FREM2: variants seen among roughly 807,000 people sequenced by gnomAD.
FREM2 encodes FRAS1-related extracellular matrix protein 2.
Under a neutral mutation model 219.9 loss-of-function variants are expected in FREM2, and 119 were observed. That is an observed-to-expected ratio of 0.54 (90% CI 0.47 to 0.63). The LOEUF (loss-of-function observed/expected upper bound fraction) is 0.63, where lower values mean the gene tolerates loss of function less well. Ranked by LOEUF, FREM2 falls within the 30% of genes least tolerant of loss-of-function variation. FREM2 has a pLI of 0.00. For missense variants in FREM2, 4,030 were observed against 3,993.6 expected, an observed-to-expected ratio of 1.01 and a Z score of -0.25; for synonymous variants, 1,562 against 1,522.8, an observed-to-expected ratio of 1.03 and a Z score of -0.60.
chr13:38,880,472 T>G lies in FREM2; in HGVS notation c.9195T>G (p.Ile3065Met). The G allele has an allele frequency of 1.2e-6, 2 of 1,613,608 alleles. No individual in the cohort carries two copies. Among genetic ancestry groups the G allele is most frequent in the Non-Finnish European group, 1.7e-6 (2 of 1,179,954 alleles). ...IRSTPSLAWE[I>M]GAENSRGTNI... ...GCACACCCTCACTGGCATGGGAGATTGGTGCTGAAAACAGTCGAGGAACAA... is the reference window on the plus strand; with the variant it reads ...GCACACCCTCACTGGCATGGGAGATGGGTGCTGAAAACAGTCGAGGAACAA... Residue 3065 changes from isoleucine to methionine, a missense_variant, in exon 24 of 24, where the codon ATT becomes ATG. Coordinates refer to ENST00000280481, the MANE Select transcript of FREM2 (RefSeq NM_207361.6).
intron 6 of FREM2, among the ~76,000 whole-genome samples, chr13:38,796,076 T>A (rs1302619747): frequency 6.6e-6 from 1 of 152,084 alleles, no homozygotes; most frequent in Non-Finnish European, 1.5e-5. Flanking sequence ...ATCATTAAGG[T>A]GGCTGGCAAA....
intron 6 of FREM2, among the ~76,000 whole-genome samples, chr13:38,815,945 TGGTG>T (rs1875747662): frequency 6.6e-6 from 1 of 152,168 alleles, no homozygotes; most frequent in African/African-American, 2.4e-5. Context: ...ACATGAGATT[TGGTG>T]GGGACAAACA....
Position 38,859,511 on chromosome 13 carries a change from C to T in FREM2, c.7440C>T (p.Cys2480=), listed in dbSNP as rs768755104. The change falls in exon 14 of 24, where the codon TGC becomes TGT. Residue 2480 remains cysteine, a synonymous_variant. Coordinates refer to ENST00000280481, the MANE Select transcript of FREM2 (RefSeq NM_207361.6). ...TTCAGCCTGGCTCCCGGGTACAGTG[C>T]GCAGCTCGTGCTGTGAACACCAATG... ...IYFQPGSRVQ[C]AARAVNTNGD... 52 of 1,613,888 alleles carry T rather than the reference C, an allele frequency of 3.2e-5. No homozygotes were observed. The highest frequency in any genetic ancestry group is 1.1e-4 in the East Asian group (5 of 44,874).
intron 6 of FREM2, among the ~76,000 whole-genome samples, chr13:38,789,519 G>GC (rs1555267654): frequency 2.3e-4 from 34 of 145,616 alleles, no homozygotes; most frequent in Non-Finnish European, 4.1e-4. Flanking sequence ...TTTTATTCAA[G>GC]TTTTTTTTTA....
At chr13:38,804,814 G>T (rs975817296) in intron 6 of FREM2, among the ~76,000 whole-genome samples, 1 of 152,058 alleles carries the variant, frequency 6.6e-6, no homozygotes, top group Non-Finnish European at 1.5e-5. Context: ...TTCCAGTTTG[G>T]CCAGGCTCCC....
rs559446449 is a variant in FREM2 at position 38,820,265 on chromosome 13, C to T, written c.6020-26308C>T. Among the ~76,000 whole-genome samples, 31 of 152,190 alleles carry T rather than the reference C, an allele frequency of 2.0e-4. No individual in the cohort carries two copies. The East Asian group carries it at 4.5e-3, about 22-fold the overall frequency. On this transcript the variant is annotated intron_variant, in intron 6 of 23. Transcript: ENST00000280481. ...CATTTTGGCTCTCTTGTCAAGTCCT[C>T]GTGGATAAATATTGTCTTGAGTTTG...
chr13:38,694,150 T>G (rs1870011876), intron 1 of FREM2, among the ~76,000 whole-genome samples: 1 of 152,208 alleles, frequency 6.6e-6, no homozygotes, highest in Non-Finnish European at 1.5e-5. Flanking sequence ...AATATTAGAA[T>G]ATTATTTCTG....
At position 38,881,415 on chromosome 13, in the gene FREM2, A is replaced by G. The variant is rs1878544335; in HGVS notation, c.*628A>G. On this transcript the variant is annotated 3_prime_UTR_variant, in exon 24 of 24. Transcript: ENST00000280481. ...TGAATTTGAATTGCTTCTCATTCTC[A>G]TCAGACTCTCCTTGTTTTGTTTGCA... The G allele has an allele frequency of 6.4e-6, 1 of 156,082 alleles. No homozygotes were observed. Among genetic ancestry groups the G allele is most frequent in the East Asian group, 1.9e-4 (1 of 5,338 alleles). The allele number at this position is 156,082 out of a possible 1,614,324, so 9.7% of individuals were successfully genotyped here.
In FREM2 at chr13:38,688,707, C is replaced by A. The variant is rs558640263; in HGVS notation, c.1363C>A (p.Arg455=). The A allele has an allele frequency of 8.1e-6, 13 of 1,614,026 alleles. No homozygotes were observed. In the African/African-American group the frequency reaches 1.3e-4, roughly 17 times the overall value. Residue 455 remains arginine (R), a synonymous_variant, in exon 1 of 24, where the codon CGG becomes AGG. Coordinates refer to ENST00000280481, the MANE Select transcript of FREM2 (RefSeq NM_207361.6). Reference sequence around the variant, plus strand: ...TCTTATTCTCTATGAGGGTCAGTCTCGGCCCCTCACAGGCCCTGCAGGCAG... The same window carrying A: ...TCTTATTCTCTATGAGGGTCAGTCTAGGCCCCTCACAGGCCCTGCAGGCAG... The part of the protein sequence containing the change: ...TGLILYEGQS[R]PLTGPAGSGP...
At chr13:38,803,691 G>T (rs532820954) in intron 6 of FREM2, among the ~76,000 whole-genome samples, 4 of 150,080 alleles carry the variant, frequency 2.7e-5, no homozygotes, top group Non-Finnish European at 4.4e-5. Flanking sequence ...GTGACAACCC[G>T]CAGGGGTTTT....
At chr13:38,755,372 A>G (rs1228974815) in intron 2 of FREM2, among the ~76,000 whole-genome samples, 1 of 152,148 alleles carries the variant, frequency 6.6e-6, no homozygotes, top group African/African-American at 2.4e-5. Context: ...GGTGGGCCAC[A>G]TAACTGTGTG....
intron 6 of FREM2, among the ~76,000 whole-genome samples, chr13:38,818,861 T>C (rs956132357): frequency 1.4e-4 from 22 of 151,730 alleles, no homozygotes; most frequent in African/African-American, 3.6e-4. Flanking sequence ...CACTACACTC[T>C]AGTCTGGGCA....
At chr13:38,819,452 G>A (rs1875929630) in intron 6 of FREM2, among the ~76,000 whole-genome samples, 1 of 152,142 alleles carries the variant, frequency 6.6e-6, no homozygotes, top group Admixed American at 6.6e-5. Flanking sequence ...AAGAAAGTGA[G>A]CACAGGGAGC....
intron 2 of FREM2, among the ~76,000 whole-genome samples, chr13:38,716,957 C>G (rs535429667): frequency 2.0e-5 from 3 of 152,288 alleles, no homozygotes; most frequent in African/African-American, 7.2e-5. Flanking sequence ...AAAGCTTATA[C>G]TATAAATGCT....
At chr13:38,877,327 G>T in intron 21 of FREM2, 84 bp downstream of exon 21, 1 of 1,392,204 alleles carries the variant, frequency 7.2e-7, no homozygotes, top group South Asian at 1.2e-5. Flanking sequence ...GTTTGAGGGG[G>T]CAAATTATAG....
chr13:38,708,142 C>T (rs1305010642), intron 2 of FREM2, among the ~76,000 whole-genome samples: 1 of 152,160 alleles, frequency 6.6e-6, no homozygotes, highest in Non-Finnish European at 1.5e-5. Context: ...TAGCCATTGA[C>T]CCCCACTATA....
At chr13:38,856,409 G>A (rs1334677111) in intron 12 of FREM2, among the ~76,000 whole-genome samples, 153 bp downstream of exon 12, 1 of 152,142 alleles carries the variant, frequency 6.6e-6, no homozygotes, top group Non-Finnish European at 1.5e-5. Flanking sequence ...ACCTAAATGT[G>A]TTTTGTTCTG....
intron 2 of FREM2, among the ~76,000 whole-genome samples, chr13:38,713,061 C>CCAA (rs776048553): frequency 6.6e-6 from 1 of 152,040 alleles, no homozygotes; most frequent in Non-Finnish European, 1.5e-5. Flanking sequence ...CTAATTTGAC[C>CCAA]CTCTTTTGCA....
chr13:38,855,643 A>G (rs1290051616), intron 11 of FREM2, among the ~76,000 whole-genome samples: 2 of 152,154 alleles, frequency 1.3e-5, no homozygotes, highest in African/African-American at 2.4e-5. Flanking sequence ...AAAACCAAAC[A>G]TTGTATATTC....
Sources: allele counts gnomAD v4.1 joint callset (sites outside exome capture counted in the v4.1 genomes callset), GRCh38; gene constraint gnomAD v4.1.1; transcripts MANE v1.5; gene names NCBI Gene and HGNC (gene_info 2026-07-23, HGNC 2026-07-21).